Variants in NFAM1 observed in about 807,000 individuals in gnomAD.
NFAM1 encodes the protein NFAT activating protein with ITAM motif 1.
A neutral mutation model predicts 29.0 loss-of-function variants in NFAM1; 17 were observed. The ratio of observed to expected loss-of-function variants is 0.59; its 90% CI spans 0.40 to 0.88. The LOEUF (loss-of-function observed/expected upper bound fraction) is 0.88, where lower values mean the gene tolerates loss of function less well. Ranked by LOEUF, NFAM1 falls within the 40% of genes least tolerant of loss-of-function variation. The probability of loss-of-function intolerance (pLI) is 0.00; values close to 1 mark genes in which losing one functional copy is unlikely to be tolerated. For missense variants in NFAM1, 324 were observed against 344.6 expected (o/e 0.94, Z 0.47); for synonymous variants, 175 against 147.2 (o/e 1.19, Z -1.36).
intron 1 of NFAM1, among the ~76,000 whole-genome samples, chr22:42,431,594 G>C (rs947311971): frequency 1.3e-5 from 2 of 152,126 alleles, no homozygotes; most frequent in African/African-American, 2.4e-5. Flanking sequence ...CTCGGATCCC[G>C]GCCACCCAGC....
intron 4 of NFAM1, among the ~76,000 whole-genome samples, chr22:42,390,961 C>T (rs1270692331): frequency 2.0e-5 from 3 of 152,104 alleles, no homozygotes; most frequent in Admixed American, 6.5e-5. Flanking sequence ...CCGTGGCGGT[C>T]GTAAGAACTG....
chr22:42,408,955 T>G (rs1929987858), intron 3 of NFAM1, among the ~76,000 whole-genome samples: 1 of 152,094 alleles, frequency 6.6e-6, no homozygotes, highest in African/African-American at 2.4e-5. Flanking sequence ...CATGGAGCTA[T>G]GCTGGAGGGT....
chr22:42,431,300 A>C (rs1930788931), intron 1 of NFAM1, among the ~76,000 whole-genome samples: 1 of 152,200 alleles, frequency 6.6e-6, no homozygotes, highest in African/African-American at 2.4e-5. Context: ...TAAGGGCTCC[A>C]TAAAGCCTAA....
At position 42,419,870 on chromosome 22, in the gene NFAM1, G is replaced by A. The variant is rs556956592; in HGVS notation, c.122-8134C>T. ...AGAAGAGCCAATGTCCCCTGGGTTT[G>A]GTTTCACCTTTTGCAGATGACAAAA... On this transcript the variant is annotated intron_variant, in intron 1 of 5. Coordinates refer to ENST00000329021, the MANE Select transcript of NFAM1 (RefSeq NM_145912.8). The surrounding 1 kb of genome is among the most constrained non-coding windows in gnomAD (Gnocchi z 4.5). 4.5e-4 allele frequency among the ~76,000 whole-genome samples: 68 copies of A among 152,176 alleles called. No homozygotes were observed. Among genetic ancestry groups the A allele is most frequent in the Non-Finnish European group, 9.1e-4 (62 of 68,014 alleles).
At chr22:42,400,930 T>A (rs182295118) in intron 3 of NFAM1, among the ~76,000 whole-genome samples, 2 of 152,286 alleles carry the variant, frequency 1.3e-5, no homozygotes, top group East Asian at 3.9e-4. Context: ...TGGGCTCAGC[T>A]CTTTGGACCT....
chr22:42,390,316 C>T (rs778899832), intron 4 of NFAM1, among the ~76,000 whole-genome samples: 8 of 152,160 alleles, frequency 5.3e-5, no homozygotes, highest in South Asian at 2.1e-4. Flanking sequence ...AGTAGGTGAC[C>T]CCTGAGCACT....
intron 1 of NFAM1, among the ~76,000 whole-genome samples, chr22:42,422,956 T>C (rs570162476): frequency 6.6e-6 from 1 of 151,526 alleles, no homozygotes; most frequent in South Asian, 2.1e-4. Flanking sequence ...CTACTAAAAA[T>C]ACAAACATTA....
At chr22:42,434,573 G>A (rs368803163), upstream of NFAM1, among the ~76,000 whole-genome samples, 33 of 152,326 alleles carry the variant, frequency 2.2e-4, 1 homozygote, top group African/African-American at 6.0e-4. Context: ...GGGGCCTCGT[G>A]TCTGGCCCTG....
intron 1 of NFAM1, among the ~76,000 whole-genome samples, chr22:42,428,366 C>T (rs1285656498): frequency 6.6e-6 from 1 of 152,220 alleles, no homozygotes; most frequent in Non-Finnish European, 1.5e-5. Flanking sequence ...CTACTCCTGA[C>T]AGAGGTCCGG....
intron 1 of NFAM1, among the ~76,000 whole-genome samples, chr22:42,431,775 T>TCCCCCCCCCCCCCCCCCC (rs34684252): frequency 3.4e-5 from 5 of 146,694 alleles, no homozygotes; most frequent in African/African-American, 1.1e-4. Context: ...GGCCCTGGTA[T>TCCCCCCCCCCCCCCCCCC]CCCCCCCTCC....
intron 3 of NFAM1, among the ~76,000 whole-genome samples, chr22:42,398,973 G>A (rs1421260038): frequency 6.6e-6 from 1 of 152,166 alleles, no homozygotes; most frequent in Non-Finnish European, 1.5e-5. Flanking sequence ...TGGGTTGATT[G>A]CCAGGCACAG....
At chr22:42,406,441 C>T (rs899917721) in intron 3 of NFAM1, among the ~76,000 whole-genome samples, 2 of 152,188 alleles carry the variant, frequency 1.3e-5, no homozygotes, top group African/African-American at 2.4e-5. Context: ...CCCTACCTGG[C>T]TGCATCTCCT....
chr22:42,418,625 G>A (rs137898162), intron 1 of NFAM1, among the ~76,000 whole-genome samples: 1,996 of 152,220 alleles, frequency 0.013, 47 homozygotes, highest in African/African-American at 0.046. Flanking sequence ...CCCAGGAGGC[G>A]GAGATTGCAG....
chr22:42,387,537 G>T (rs986134881), intron 4 of NFAM1, among the ~76,000 whole-genome samples: 14 of 150,010 alleles, frequency 9.3e-5, no homozygotes, highest in African/African-American at 3.4e-4. Flanking sequence ...CCCCTGTGAG[G>T]GTCCTCCCAC....
At position 42,386,921 on chromosome 22, in the gene NFAM1, C is replaced by A. The variant is rs75844857; in HGVS notation, c.753+68G>T. 149 of 841,478 alleles carry A rather than the reference C, an allele frequency of 1.8e-4. 1 individual carries two copies. In the African/African-American group the frequency reaches 2.1e-3, roughly 12 times the overall value. The allele number at this position is 841,478 out of a possible 1,614,324, so 52.1% of individuals were successfully genotyped here. ...CACTTCCATGTCCCATTTGCCCCCCCACTTCACCAGTGATGGGAGGGTCAG... is the reference window on the plus strand; with the variant it reads ...CACTTCCATGTCCCATTTGCCCCCCAACTTCACCAGTGATGGGAGGGTCAG... On this transcript the variant is annotated intron_variant, in intron 5 of 5. Transcript: ENST00000329021.
At position 42,388,954 on chromosome 22, in the gene NFAM1, A is replaced by C. The variant is rs1277029306; in HGVS notation, c.664-1876T>G. On this transcript the variant is annotated intron_variant, in intron 4 of 5. Transcript: ENST00000329021. This position sits in a 1 kb window ranked among gnomAD's most constrained non-coding sequence, Gnocchi z 4.1. Reference sequence around the variant, plus strand: ...TGCGGCCTTCGTGCCTGTCCGGAGCACCAGCCACCCCAGCTGGTCTGGCAC... The same window carrying C: ...TGCGGCCTTCGTGCCTGTCCGGAGCCCCAGCCACCCCAGCTGGTCTGGCAC... Among the ~76,000 whole-genome samples, 5 of 152,114 alleles carry C rather than the reference A, an allele frequency of 3.3e-5. No individual in the cohort carries two copies. The highest frequency in any genetic ancestry group is 3.3e-4 in the Admixed American group (5 of 15,274).
upstream of NFAM1, chr22:42,436,993 T>A (rs1450590823): frequency 5.1e-6 from 5 of 984,778 alleles, no homozygotes; most frequent in Non-Finnish European, 6.0e-6. Flanking sequence ...GCTTTTCTAC[T>A]GGACACATAC....
intron 1 of NFAM1, among the ~76,000 whole-genome samples, chr22:42,421,702 A>G (rs1365288743): frequency 6.6e-6 from 1 of 152,188 alleles, no homozygotes; most frequent in Non-Finnish European, 1.5e-5. Flanking sequence ...ACGCTGATCA[A>G]AGGTATCCAT....
upstream of NFAM1, among the ~76,000 whole-genome samples, chr22:42,434,420 G>A (rs958175085): frequency 2.0e-5 from 3 of 152,174 alleles, no homozygotes; most frequent in African/African-American, 7.2e-5. Context: ...CTGGGCTGTG[G>A]AGCGCAGACA....
Sources: allele counts gnomAD v4.1 joint callset (sites outside exome capture counted in the v4.1 genomes callset), GRCh38; gene constraint gnomAD v4.1.1; non-coding constraint Gnocchi (gnomAD v3.1); transcripts MANE v1.5; gene names NCBI Gene and HGNC (gene_info 2026-07-23, HGNC 2026-07-21).